The following LCA5 variants were observed in gnomAD, a reference collection of about 807,000 sequenced individuals.
LCA5 encodes the protein lebercilin.
Under a neutral mutation model 53.0 loss-of-function variants are expected in LCA5, and 37 were observed. That is an observed-to-expected ratio of 0.70 (90% CI 0.54 to 0.92). The LOEUF (loss-of-function observed/expected upper bound fraction) is 0.92. Ranked by LOEUF, LCA5 falls within the 40% of genes least tolerant of loss-of-function variation. The probability of loss-of-function intolerance (pLI) is 0.00; values close to 1 mark genes in which losing one functional copy is unlikely to be tolerated. For synonymous variants in LCA5, 303 were observed against 282.9 expected, an observed-to-expected ratio of 1.07 and a Z score of -0.71; for missense variants, 806 against 790.5, an observed-to-expected ratio of 1.02 and a Z score of -0.23.
intron 3 of LCA5, among the ~76,000 whole-genome samples, chr6:79,504,272 C>T (rs1186691634): frequency 1.3e-5 from 2 of 152,134 alleles, no homozygotes; most frequent in Admixed American, 1.3e-4. Flanking sequence ...ACGTTTAATG[C>T]TTTGCATCTT....
chr6:79,487,193 G>T lies in LCA5; in HGVS notation c.1905C>A (p.Asp635Glu), dbSNP rs1484100842. 1.2e-6 allele frequency: 2 copies of T among 1,613,926 alleles called. No individual in the cohort carries two copies. Among genetic ancestry groups the T allele is most frequent in the Non-Finnish European group, 1.7e-6 (2 of 1,179,858 alleles). ...TATTCCCAGGGAGAAAATTTAGAGG[G>T]TCAATGTCTCCTTTACTGGAAGCCA... ...NSVASSKGDI[D>E]PLNFLPGNKG... is the part of the protein sequence containing the mutation. The change falls in exon 8 of 8, where the codon GAC becomes GAA. Residue 635 changes from aspartate to glutamate, a missense_variant. By Grantham distance (45) the Asp-to-Glu change is conservative (BLOSUM62 2). Coordinates refer to ENST00000369846, the MANE Select transcript of LCA5 (RefSeq NM_001122769.3).
In LCA5 at chr6:79,513,276, T is replaced by G. The variant is rs990535898; in HGVS notation, c.656A>C (p.Asp219Ala). 9 of 1,613,754 alleles carry G rather than the reference T, an allele frequency of 5.6e-6. No homozygotes were observed. Among genetic ancestry groups the G allele is most frequent in the Non-Finnish European group, 6.8e-6 (8 of 1,179,822 alleles). ...TGAAACTAGTTTCTTTGCCAAATCA[T>G]CTCGTTCAGGTAGGTGTCTAGCTTC... ...ISEARHLPER[D>A]DLAKKLVSAE... is the part of the protein sequence containing the mutation. The change falls in exon 3 of 8, where the codon GAT becomes GCT. Residue 219 changes from aspartate (D) to alanine (A), a missense_variant. Coordinates refer to ENST00000369846, the MANE Select transcript of LCA5 (RefSeq NM_001122769.3).
At chr6:79,537,721 A>G (rs775349571), upstream of LCA5, among the ~76,000 whole-genome samples, 6 of 152,116 alleles carry the variant, frequency 3.9e-5, no homozygotes, top group Non-Finnish European at 7.4e-5. Context: ...AAGTGGGTTC[A>G]TGATATGAAT....
At chr6:79,489,614 T>C (rs184123938) in intron 6 of LCA5, among the ~76,000 whole-genome samples, 2 of 152,254 alleles carry the variant, frequency 1.3e-5, no homozygotes, top group Admixed American at 1.3e-4. Flanking sequence ...AACTATAACA[T>C]GAGCAGTGAC....
rs1769707298 is a variant in LCA5 at position 79,487,636 on chromosome 6, CAG to C, written c.1460_1461del (p.Pro487ArgfsTer7). 1.2e-6 allele frequency: 2 copies of C among 1,613,972 alleles called. No individual in the cohort carries two copies. The highest frequency in any genetic ancestry group is 2.2e-5 in the East Asian group (1 of 44,868). ...ELQDSRNLKYPVLPLLPDFES... is the reference protein window; with the variant it reads ...ELQDSRNLKYXVLPLLPDFES... The stretch of plus-strand genomic sequence containing the variant: ...TCAAAATCAGGTAACAATGGCAAAA[CAG>C]GGTATTTTAGATTTCGAGAATCTTG... On this transcript the variant is annotated frameshift_variant, in exon 8 of 8. Coordinates refer to ENST00000369846, the MANE Select transcript of LCA5 (RefSeq NM_001122769.3). LOFTEE classifies it low-confidence loss of function (END_TRUNC).
Position 79,493,626 on chromosome 6 carries a change from T to C in LCA5, c.845A>G (p.Tyr282Cys), listed in dbSNP as rs372604394. 117 of 1,613,196 alleles carry C rather than the reference T, an allele frequency of 7.3e-5. No homozygotes were observed. The highest frequency in any genetic ancestry group is 9.8e-5 in the Non-Finnish European group (115 of 1,179,342). The change falls in exon 4 of 8, where the codon TAT becomes TGT. Residue 282 changes from tyrosine to cysteine, a missense_variant. By Grantham distance (194) the Tyr-to-Cys change is radical (BLOSUM62 -2). Transcript: ENST00000369846. ...KVLQKEVQRL[Y>C]HKLKEKEREL... ...TAAAATACTTACCTTTAATTTGTGATATAGTCGCTGTACCTCCTTTTGAAG... is the reference window on the plus strand; with the variant it reads ...TAAAATACTTACCTTTAATTTGTGACATAGTCGCTGTACCTCCTTTTGAAG...
At chr6:79,532,415 C>T (rs1766984938) in intron 1 of LCA5, among the ~76,000 whole-genome samples, 2 of 152,170 alleles carry the variant, frequency 1.3e-5, no homozygotes, top group Admixed American at 6.5e-5. Flanking sequence ...GCTTAATATA[C>T]TTCAATGGTC....
intron 1 of LCA5, among the ~76,000 whole-genome samples, chr6:79,534,302 CAT>C (rs1767044742): frequency 6.6e-6 from 1 of 151,704 alleles, no homozygotes; most frequent in Non-Finnish European, 1.5e-5. Flanking sequence ...AAATGTAAGA[CAT>C]AATCAGCTTA....
At chr6:79,533,732 G>T (rs995213982) in intron 1 of LCA5, among the ~76,000 whole-genome samples, 3 of 151,202 alleles carry the variant, frequency 2.0e-5, no homozygotes, top group African/African-American at 7.3e-5. Context: ...AAGCTGTAGA[G>T]TCCATTGTAT....
chr6:79,530,570 T>A (rs1766929244), intron 1 of LCA5, among the ~76,000 whole-genome samples: 1 of 152,188 alleles, frequency 6.6e-6, no homozygotes, highest in Non-Finnish European at 1.5e-5. Flanking sequence ...AAACTTCTGA[T>A]TATTTAGGTT....
At chr6:79,489,423 A>C (rs1477935355) in intron 6 of LCA5, among the ~76,000 whole-genome samples, 1 of 152,168 alleles carries the variant, frequency 6.6e-6, no homozygotes, top group Admixed American at 6.6e-5. Flanking sequence ...ATTGTAAAGA[A>C]GCATTCATAA....
intron 6 of LCA5, 76 bp from the exon 7 acceptor site, chr6:79,489,292 T>C: frequency 7.2e-7 from 1 of 1,389,188 alleles, no homozygotes; most frequent in South Asian, 1.2e-5. Flanking sequence ...GATTTATCCA[T>C]TAAACATGAT....
intron 3 of LCA5, among the ~76,000 whole-genome samples, chr6:79,503,169 A>G (rs900562768): frequency 6.6e-6 from 1 of 152,218 alleles, no homozygotes; most frequent in Non-Finnish European, 1.5e-5. Context: ...GGCATGAGCT[A>G]CTGCACCCGG....
chr6:79,510,766 G>A (rs1770390192), intron 3 of LCA5, among the ~76,000 whole-genome samples: 1 of 152,030 alleles, frequency 6.6e-6, no homozygotes, highest in African/African-American at 2.4e-5. Flanking sequence ...ATTAGGAAAT[G>A]GGCAGAAAAA....
At chr6:79,492,830 AT>A (rs1769881765) in intron 4 of LCA5, among the ~76,000 whole-genome samples, 183 bp from the exon 5 acceptor site, 1 of 152,032 alleles carries the variant, frequency 6.6e-6, no homozygotes. Context: ...TAGAGCAATA[AT>A]TTTCCCTAAA....
intron 3 of LCA5, among the ~76,000 whole-genome samples, chr6:79,499,761 T>G (rs989098802): frequency 2.0e-5 from 3 of 151,192 alleles, no homozygotes; most frequent in Admixed American, 6.6e-5. Context: ...TAGTTACATA[T>G]GTATACATGT....
intron 2 of LCA5, among the ~76,000 whole-genome samples, chr6:79,514,858 T>C (rs1471221964): frequency 6.6e-6 from 1 of 151,934 alleles, no homozygotes; most frequent in Non-Finnish European, 1.5e-5. Flanking sequence ...TGGGGCCTAT[T>C]GGAGGGTGCA....
chr6:79,513,869 A>C, intron 2 of LCA5, 128 bp from the exon 3 acceptor site: 1 of 869,698 alleles, frequency 1.1e-6, no homozygotes, highest in East Asian at 2.5e-5. Flanking sequence ...ATTTTACAAT[A>C]TTTAGTAAAG....
In LCA5 at chr6:79,509,949, A is replaced by C. The variant is rs375563997; in HGVS notation, c.720+3263T>G. On this transcript the variant is annotated intron_variant, in intron 3 of 7. Coordinates refer to ENST00000369846, the MANE Select transcript of LCA5 (RefSeq NM_001122769.3). ...CCACAAACTGATCTATGTTTAATGC[A>C]ATTCCTACAAAAATTCCAGGAAGAT... is the stretch of plus-strand genomic sequence containing the variant. Among the ~76,000 whole-genome samples, 62 of 152,326 alleles carry C rather than the reference A, an allele frequency of 4.1e-4. 1 individual carries two copies. The South Asian group carries it at 0.012, about 30-fold the overall frequency.
Sources: allele counts gnomAD v4.1 joint callset (sites outside exome capture counted in the v4.1 genomes callset), GRCh38; gene constraint gnomAD v4.1.1; transcripts MANE v1.5; gene names NCBI Gene and HGNC (gene_info 2026-07-23, HGNC 2026-07-21).